The following GOLPH3L variants were observed in gnomAD, a reference collection of about 807,000 sequenced individuals.
The protein encoded by GOLPH3L is Golgi phosphoprotein 3-like.
Under a neutral mutation model 30.3 loss-of-function variants are expected in GOLPH3L, and 22 were observed. That is an observed-to-expected ratio of 0.73 (90% confidence interval 0.52 to 1.04). The LOEUF (loss-of-function observed/expected upper bound fraction) is 1.04, where lower values mean the gene tolerates loss of function less well. GOLPH3L is among the 50% of genes least tolerant of loss of function. GOLPH3L has a pLI of 0.00. For synonymous variants in GOLPH3L, 120 were observed against 128.2 expected (o/e 0.94, Z 0.43); for missense variants, 303 against 345.8 (o/e 0.88, Z 0.98).
chr1:150,683,728 AAAAAAG>A (rs2101813663), intron 2 of GOLPH3L, among the ~76,000 whole-genome samples: 7 of 70,370 alleles, frequency 9.9e-5, no homozygotes, highest in South Asian at 6.9e-4. Context: ...AAAAAAAAAA[AAAAAAG>A]AGAGATACTC....
chr1:150,660,266 A>T (rs1281573082), intron 4 of GOLPH3L, among the ~76,000 whole-genome samples: 1 of 152,152 alleles, frequency 6.6e-6, no homozygotes, highest in Non-Finnish European at 1.5e-5. Context: ...AATTAAAAAA[A>T]AGAAAAGAAA....
intron 2 of GOLPH3L, among the ~76,000 whole-genome samples, chr1:150,666,152 G>A (rs1423514000): frequency 2.6e-5 from 4 of 152,076 alleles, no homozygotes; most frequent in African/African-American, 9.7e-5. Flanking sequence ...TTTGGTATAT[G>A]TTGTGCTTCC....
chr1:150,673,622 A>G (rs1021785468), intron 2 of GOLPH3L, among the ~76,000 whole-genome samples: 8 of 151,762 alleles, frequency 5.3e-5, no homozygotes, highest in Non-Finnish European at 7.4e-5. Flanking sequence ...GAAAGTTGAG[A>G]AGGGGGAGCA....
intron 2 of GOLPH3L, among the ~76,000 whole-genome samples, chr1:150,670,496 C>G (rs1480721964): frequency 6.6e-6 from 1 of 151,852 alleles, no homozygotes; most frequent in Admixed American, 6.6e-5. Flanking sequence ...ACTTGGGAGG[C>G]TGAGGCAGGA....
chr1:150,682,622 TC>T (rs1650981695), intron 2 of GOLPH3L, among the ~76,000 whole-genome samples: 1 of 49,810 alleles, frequency 2.0e-5, no homozygotes, highest in Non-Finnish European at 3.6e-5. Context: ...AGACTCTTTC[TC>T]AAAAAAAAAA....
At chr1:150,683,716 AAAAAAAAAAAAAAAAAAG>A (rs992044682) in intron 2 of GOLPH3L, among the ~76,000 whole-genome samples, 1 of 143,654 alleles carries the variant, frequency 7.0e-6, no homozygotes, top group African/African-American at 2.6e-5. Flanking sequence ...AAAAAAAAAA[AAAAAAAAAAAAAAAAAAG>A]AGAGATACTC....
At chr1:150,659,810 ACTGT>A (rs1332706904) in intron 4 of GOLPH3L, among the ~76,000 whole-genome samples, 1 of 152,130 alleles carries the variant, frequency 6.6e-6, no homozygotes, top group Non-Finnish European at 1.5e-5. Flanking sequence ...AGATGGGTAG[ACTGT>A]CTGAGCTCAG....
chr1:150,678,163 G>A (rs1650859064), intron 2 of GOLPH3L, among the ~76,000 whole-genome samples: 1 of 150,556 alleles, frequency 6.6e-6, no homozygotes, highest in African/African-American at 2.4e-5. Context: ...GCTGGGCGTG[G>A]TGGCACATAC....
chr1:150,671,761 G>A (rs764199055), intron 2 of GOLPH3L, among the ~76,000 whole-genome samples: 12 of 127,094 alleles, frequency 9.4e-5, no homozygotes, highest in Non-Finnish European at 1.4e-4. Flanking sequence ...AGCCGAGATC[G>A]CACCACTGCA....
intron 2 of GOLPH3L, among the ~76,000 whole-genome samples, chr1:150,667,803 C>T (rs1379756777): frequency 6.6e-6 from 1 of 151,912 alleles, no homozygotes; most frequent in Non-Finnish European, 1.5e-5. Context: ...ACCGTGTTAG[C>T]TAGGATGGTC....
chr1:150,669,760 G>C (rs1188154081), intron 2 of GOLPH3L, among the ~76,000 whole-genome samples: 1 of 152,050 alleles, frequency 6.6e-6, no homozygotes, highest in Admixed American at 6.6e-5. Context: ...TTAGGAGTTC[G>C]AGACCAGCCT....
chr1:150,681,440 G>A (rs1228282812), intron 2 of GOLPH3L, among the ~76,000 whole-genome samples: 1 of 152,060 alleles, frequency 6.6e-6, no homozygotes, highest in African/African-American at 2.4e-5. Flanking sequence ...ATTTGTGATG[G>A]GCTTTAAAAC....
intron 2 of GOLPH3L, among the ~76,000 whole-genome samples, chr1:150,681,755 T>C (rs1355175182): frequency 1.3e-5 from 2 of 152,202 alleles, no homozygotes; most frequent in Non-Finnish European, 2.9e-5. Flanking sequence ...TGTCTGATTA[T>C]AATCAATTTT....
intron 4 of GOLPH3L, among the ~76,000 whole-genome samples, chr1:150,649,603 C>G (rs749360633): frequency 6.6e-6 from 1 of 152,170 alleles, no homozygotes; most frequent in Non-Finnish European, 1.5e-5. Flanking sequence ...GGAATCATGA[C>G]CAACACTGGG....
In GOLPH3L at chr1:150,694,232, T is replaced by C. The variant is rs1050186960; in HGVS notation, c.183+424A>G. On this transcript the variant is annotated intron_variant, in intron 2 of 4. Coordinates refer to ENST00000271732, the MANE Select transcript of GOLPH3L (RefSeq NM_018178.6). ...ATTTCTGCTATAAGAAACCTACCAATTGTTTATTTCTGTAAGGCAACTAAT... is the reference window on the plus strand; with the variant it reads ...ATTTCTGCTATAAGAAACCTACCAACTGTTTATTTCTGTAAGGCAACTAAT... 5 of 390,822 alleles carry C rather than the reference T, an allele frequency of 1.3e-5. No individual in the cohort carries two copies. The Admixed American group carries it at 1.5e-4, about 12-fold the overall frequency. 24.2% of individuals were successfully genotyped at this position (390,822 alleles called of 1,614,324 possible). A position where few individuals can be genotyped will look rare whatever the true frequency, so the allele number is the denominator to read the frequency against.
intron 1 of GOLPH3L, among the ~76,000 whole-genome samples, chr1:150,695,204 T>C (rs1651321478): frequency 6.6e-6 from 1 of 152,194 alleles, no homozygotes; most frequent in Non-Finnish European, 1.5e-5. Flanking sequence ...TGGTGCGATG[T>C]TGGCTCACTG....
At chr1:150,692,374 G>A (rs184554580) in intron 2 of GOLPH3L, among the ~76,000 whole-genome samples, 2 of 152,124 alleles carry the variant, frequency 1.3e-5, no homozygotes, top group Non-Finnish European at 2.9e-5. Context: ...TTCAAAAGGT[G>A]GTTAATTGTT....
At chr1:150,674,568 C>CT (rs1437123269) in intron 2 of GOLPH3L, among the ~76,000 whole-genome samples, 3 of 151,734 alleles carry the variant, frequency 2.0e-5, no homozygotes, top group African/African-American at 2.4e-5. Flanking sequence ...CGGCCTTTTT[C>CT]TTTTTTTTAA....
In GOLPH3L at chr1:150,664,492, C is replaced by T. The variant is rs139469563; in HGVS notation, c.184-729G>A. ...TTTTTGAGATGGAGGCTTGCTCTGT[C>T]GCCCAGGCTGGAGTGCAGTGACGTG... On this transcript the variant is annotated intron_variant, in intron 2 of 4. Transcript: ENST00000271732. Among the ~76,000 whole-genome samples the T allele has an allele frequency of 6.3e-3, 955 of 152,030 alleles. 17 individuals are homozygous for T. Among genetic ancestry groups the T allele is most frequent in the African/African-American group, 0.022 (892 of 41,470 alleles).
Sources: allele counts gnomAD v4.1 joint callset (sites outside exome capture counted in the v4.1 genomes callset), GRCh38; gene constraint gnomAD v4.1.1; transcripts MANE v1.5; gene names NCBI Gene and HGNC (gene_info 2026-07-23, HGNC 2026-07-21).